The following ANKS1B variants were observed in gnomAD, a reference collection of about 807,000 sequenced individuals.
The protein encoded by ANKS1B is ankyrin repeat and sterile alpha motif domain containing 1B, also known as ankyrin repeat and sterile alpha motif domain-containing protein 1B.
A neutral mutation model predicts 148.3 loss-of-function variants in ANKS1B; 36 were observed. The ratio of observed to expected loss-of-function variants is 0.24; its 90% confidence interval spans 0.19 to 0.32. ANKS1B has a LOEUF of 0.32. Among genes scored for constraint, ANKS1B ranks in the 10% least tolerant of loss-of-function variants. ANKS1B has a pLI of 1.00. For synonymous variants in ANKS1B, 542 were observed against 560.8 expected (o/e 0.97, Z 0.47); for missense variants, 1,157 against 1,542.6 (o/e 0.75, Z 4.19).
At chr12:99,386,701 A>C (rs1016958111) in intron 12 of ANKS1B, among the ~76,000 whole-genome samples, 1 of 152,244 alleles carries the variant, frequency 6.6e-6, no homozygotes, top group Admixed American at 6.5e-5. Flanking sequence ...TAAATGTCTA[A>C]GAAAAATGAA....
At chr12:98,935,754 A>C (rs1378321782) in intron 17 of ANKS1B, among the ~76,000 whole-genome samples, 1 of 152,138 alleles carries the variant, frequency 6.6e-6, no homozygotes, top group Non-Finnish European at 1.5e-5. Context: ...AAGAGAGGAG[A>C]CTTTGGACAA....
At chr12:99,513,633 G>C (rs988791546) in intron 9 of ANKS1B, among the ~76,000 whole-genome samples, 2 of 151,946 alleles carry the variant, frequency 1.3e-5, no homozygotes, top group Non-Finnish European at 2.9e-5. Flanking sequence ...AAGAACCTGG[G>C]ATATGGTTCA....
At position 99,443,828 on chromosome 12, in the gene ANKS1B, C is replaced by T. The variant is rs2095589034; in HGVS notation, c.1439-19G>A. ...GCATTATCTGTGAATAAAAATAGAA[C>T]TGCCATGAACCTAATCACTCAGTTT... On this transcript the variant is annotated intron_variant, in intron 10 of 26. Transcript: ENST00000683438. 2 of 1,599,830 alleles carry T rather than the reference C, an allele frequency of 1.3e-6. No individual in the cohort carries two copies. Among genetic ancestry groups the T allele is most frequent in the African/African-American group, 2.7e-5 (2 of 74,266 alleles).
intron 15 of ANKS1B, among the ~76,000 whole-genome samples, chr12:99,128,747 G>GGGCTTGTAAAT (rs1566282796): frequency 6.6e-6 from 1 of 152,190 alleles, no homozygotes; most frequent in African/African-American, 2.4e-5. Flanking sequence ...ATCCAATCCT[G>GGGCTTGTAAAT]TCACTGTTTG....
chr12:99,924,187 G>C (rs2094432183), intron 1 of ANKS1B, among the ~76,000 whole-genome samples: 1 of 152,124 alleles, frequency 6.6e-6, no homozygotes, highest in Non-Finnish European at 1.5e-5. Context: ...CAACAAGATG[G>C]ATGGTGGTGG....
chr12:99,882,712 G>A (rs2092597603), intron 1 of ANKS1B, among the ~76,000 whole-genome samples: 1 of 152,140 alleles, frequency 6.6e-6, no homozygotes, highest in South Asian at 2.1e-4. Flanking sequence ...CTTGGGTGAT[G>A]GGTGCACTAA....
chr12:99,666,164 T>C (rs922284277), intron 8 of ANKS1B, among the ~76,000 whole-genome samples: 4 of 152,256 alleles, frequency 2.6e-5, no homozygotes, highest in Non-Finnish European at 5.9e-5. Context: ...CTTTGTTCTA[T>C]TGACCTGTAA....
chr12:98,835,097 AATT>A (rs72558205), intron 17 of ANKS1B, among the ~76,000 whole-genome samples: 3,297 of 148,928 alleles, frequency 0.022, 46 homozygotes, highest in Middle Eastern at 0.038. Context: ...ACATTTGCTT[AATT>A]ATTATTATTA....
intron 14 of ANKS1B, among the ~76,000 whole-genome samples, chr12:99,201,014 A>C (rs1277546351): frequency 6.6e-6 from 1 of 152,180 alleles, no homozygotes; most frequent in Non-Finnish European, 1.5e-5. Flanking sequence ...TGGAGGAAGC[A>C]TGTAGCAGGC....
chr12:99,529,789 C>T (rs960168859), intron 9 of ANKS1B, among the ~76,000 whole-genome samples: 45 of 152,322 alleles, frequency 3.0e-4, no homozygotes, highest in African/African-American at 1.1e-3. Flanking sequence ...ACCTATGTTA[C>T]ATATTTAAAT....
chr12:99,953,085 C>T (rs1296720088), intron 1 of ANKS1B, among the ~76,000 whole-genome samples: 2 of 151,948 alleles, frequency 1.3e-5, no homozygotes, highest in East Asian at 3.9e-4. Flanking sequence ...TGGAGAACTG[C>T]TTATACAGAA....
chr12:99,674,776 C>T (rs1196768006), intron 8 of ANKS1B, among the ~76,000 whole-genome samples: 1 of 151,666 alleles, frequency 6.6e-6, no homozygotes, highest in East Asian at 1.9e-4. Flanking sequence ...TTATAGACTT[C>T]ATTTCATTAA....
chr12:99,826,973 G>A (rs548848879), intron 1 of ANKS1B, among the ~76,000 whole-genome samples: 1 of 152,074 alleles, frequency 6.6e-6, no homozygotes, highest in African/African-American at 2.4e-5. Context: ...AAAAAAATTA[G>A]TCAGGTGCGG....
intron 8 of ANKS1B, 198 bp downstream of exon 8, chr12:99,772,724 G>C: frequency 2.4e-6 from 1 of 419,076 alleles, no homozygotes; most frequent in Non-Finnish European, 4.2e-6. Context: ...AGACCATGAA[G>C]TGATCTGTCA....
chr12:99,597,022 A>C (rs1010565494), intron 9 of ANKS1B, among the ~76,000 whole-genome samples: 7 of 151,934 alleles, frequency 4.6e-5, no homozygotes, highest in Non-Finnish European at 1.0e-4. Context: ...TTTTATTGAA[A>C]TGACTATGCA....
chr12:99,881,973 C>T (rs1055693170), intron 1 of ANKS1B, among the ~76,000 whole-genome samples: 4 of 152,028 alleles, frequency 2.6e-5, no homozygotes, highest in Non-Finnish European at 1.5e-5. Context: ...GACATCAATG[C>T]CAAGATGATA....
intron 1 of ANKS1B, among the ~76,000 whole-genome samples, chr12:99,950,391 A>T (rs2095186346): frequency 6.6e-6 from 1 of 151,908 alleles, no homozygotes; most frequent in Admixed American, 6.6e-5. Context: ...TGCTTGCACC[A>T]TCAGCCTTCC....
chr12:99,713,363 TGA>T, intron 8 of ANKS1B, among the ~76,000 whole-genome samples: 1 of 152,350 alleles, frequency 6.6e-6, no homozygotes, highest in East Asian at 1.9e-4. Flanking sequence ...TTTTGAAAGC[TGA>T]ATAGACTGAG....
chr12:99,266,567 C>A (rs987208939), intron 12 of ANKS1B, among the ~76,000 whole-genome samples: 3 of 152,130 alleles, frequency 2.0e-5, no homozygotes, highest in African/African-American at 7.2e-5. Flanking sequence ...GTATTGGTTT[C>A]TTGGCCTGGA....
Sources: allele counts gnomAD v4.1 joint callset (sites outside exome capture counted in the v4.1 genomes callset), GRCh38; gene constraint gnomAD v4.1.1; transcripts MANE v1.5; gene names NCBI Gene and HGNC (gene_info 2026-07-23, HGNC 2026-07-21).